Variants in GP6 observed in about 807,000 individuals in gnomAD.
The protein encoded by GP6 is glycoprotein VI platelet.
GP6 carries 45 observed loss-of-function variants against 37.3 expected under a neutral mutation model. The observed-to-expected ratio is 1.21, with a 90% CI of 0.95 to 1.55. GP6 has a LOEUF of 1.55. GP6 is among the 40% of genes most tolerant of loss of function. The pLI is 0.00. For missense variants in GP6, 813 were observed against 760.2 expected, an observed-to-expected ratio of 1.07 and a Z score of -0.82; for synonymous variants, 340 against 316.4, an observed-to-expected ratio of 1.07 and a Z score of -0.79.
At chr19:55,028,661 AT>A (rs1284951333) in intron 3 of GP6, among the ~76,000 whole-genome samples, 1 of 152,190 alleles carries the variant, frequency 6.6e-6, no homozygotes, top group Non-Finnish European at 1.5e-5. Flanking sequence ...AGCTGGACAT[AT>A]TTTAATTTAA....
At chr19:55,035,040 G>A (rs1197196782) in intron 1 of GP6, among the ~76,000 whole-genome samples, 1 of 152,144 alleles carries the variant, frequency 6.6e-6, no homozygotes, top group African/African-American at 2.4e-5. Flanking sequence ...CCATGGCTGG[G>A]AGTCTTCCAG....
In GP6 at chr19:55,015,061, G is replaced by T; in HGVS notation, c.884C>A (p.Pro295Gln). The T allele has an allele frequency of 6.2e-7, 1 of 1,606,154 alleles. No individual in the cohort carries two copies. Reference sequence around the variant, plus strand: ...CCCCTGTGCCGCAGGCGCTTCCTCCGGCTGTGCCAGTCCTCTGCCAGAAAC... The same window carrying T: ...CCCCTGTGCCGCAGGCGCTTCCTCCTGCTGTGCCAGTCCTCTGCCAGAAAC... The change falls in exon 8 of 8, where the codon CCG becomes CAG. Residue 295 changes from proline (P) to glutamine (Q), a missense_variant. Coordinates refer to ENST00000310373, the MANE Select transcript of GP6 (RefSeq NM_001083899.2).
chr19:55,030,595 A>G (rs1325467960), intron 3 of GP6, among the ~76,000 whole-genome samples: 1 of 151,968 alleles, frequency 6.6e-6, no homozygotes, highest in Non-Finnish European at 1.5e-5. Context: ...CACCCACCTC[A>G]GCCTCCCAAA....
rs543647949 is a variant in GP6, at chr19:55,025,946, G to C, written c.611-675C>G. Among the ~76,000 whole-genome samples, 253 of 139,650 alleles carry C rather than the reference G, an allele frequency of 1.8e-3. 1 individual carries two copies. The highest frequency in any genetic ancestry group is 6.6e-3 in the African/African-American group (244 of 36,896). 91.6% of individuals were successfully genotyped at this position (139,650 alleles called of 152,430 possible). A position where few individuals can be genotyped will look rare whatever the true frequency, so the allele number is the denominator to read the frequency against. On this transcript the variant is annotated intron_variant, in intron 4 of 7. Coordinates refer to ENST00000310373, the MANE Select transcript of GP6 (RefSeq NM_001083899.2). ...AAACCCAGGAGGTGGAGGTTGCAGT[G>C]AACTGAGATCACTCCACTGCACTCC...
chr19:55,029,508 A>G (rs1267011330), intron 3 of GP6, among the ~76,000 whole-genome samples: 1 of 146,312 alleles, frequency 6.8e-6, no homozygotes, highest in African/African-American at 2.5e-5. Context: ...CTCCTGCCTC[A>G]GCCTCCCGAG....
intron 3 of GP6, 99 bp from the exon 4 acceptor site, chr19:55,027,961 G>T: frequency 8.2e-7 from 1 of 1,214,670 alleles, no homozygotes. Context: ...GGAGCTTTTT[G>T]GCTGTATCCC....
intron 7 of GP6, 28 bp downstream of exon 7, chr19:55,015,654 AG>A: frequency 7.2e-7 from 1 of 1,394,096 alleles, no homozygotes; most frequent in Non-Finnish European, 1.0e-6. Context: ...GTGAGAAGGA[AG>A]GGGGTCTGGA....
Position 55,015,084 on chromosome 19 carries a change from A to C in GP6, c.861T>G (p.Val287=), listed in dbSNP as rs1461137654. ...CCGGCTGTGCCAGTCCTCTGCCAGA[A>C]ACCCCGCCAGGATTATTAGGATCAC... Residue 287 remains valine, a synonymous_variant, in exon 8 of 8, where the codon GTT becomes GTG. Coordinates refer to ENST00000310373, the MANE Select transcript of GP6 (RefSeq NM_001083899.2). 6.2e-7 allele frequency: 1 copy of C among 1,600,250 alleles called. No homozygotes were observed.
rs777647129 is a variant in GP6, at chr19:55,038,158, A to G, written c.34+45T>C. 6 of 1,490,716 alleles carry G rather than the reference A, an allele frequency of 4.0e-6. No homozygotes were observed. In the East Asian group the frequency reaches 9.3e-5, roughly 23 times the overall value. The allele number at this position is 1,490,716 out of a possible 1,614,324, so 92.3% of individuals were successfully genotyped here. On this transcript the variant is annotated intron_variant, in intron 1 of 7. Transcript: ENST00000310373. ...TTAAAAATCCTTTGTCTGGCAGTCC[A>G]TGCCTGTCCTTCAGCATTTCCCAGA...
At chr19:55,034,628 CGAA>C (rs2074757108) in intron 1 of GP6, among the ~76,000 whole-genome samples, 1 of 150,786 alleles carries the variant, frequency 6.6e-6, no homozygotes, top group Non-Finnish European at 1.5e-5. Flanking sequence ...TCTCAGAAAA[CGAA>C]GAGGAGGAGG....
At chr19:55,034,908 C>G (rs1047292818) in intron 1 of GP6, among the ~76,000 whole-genome samples, 6 of 152,132 alleles carry the variant, frequency 3.9e-5, no homozygotes, top group African/African-American at 1.4e-4. Context: ...TAGCCACCAC[C>G]CTTTGTCCAC....
intron 1 of GP6, among the ~76,000 whole-genome samples, chr19:55,034,716 T>TAAACAC (rs2074761442): frequency 6.8e-6 from 1 of 148,042 alleles, no homozygotes; most frequent in African/African-American, 2.5e-5. Context: ...CCCTCATTCT[T>TAAACAC]ACACACACAC....
At chr19:55,016,978 C>T (rs777188619) in intron 6 of GP6, among the ~76,000 whole-genome samples, 6 of 151,968 alleles carry the variant, frequency 3.9e-5, no homozygotes, top group Admixed American at 6.6e-5. Context: ...GAGCTGAGAT[C>T]GCAGAGTGAG....
chr19:55,031,949 G>A (rs1209277293), intron 3 of GP6, among the ~76,000 whole-genome samples, 190 bp downstream of exon 3: 1 of 152,090 alleles, frequency 6.6e-6, no homozygotes, highest in Non-Finnish European at 1.5e-5. Flanking sequence ...CTCCACCCTG[G>A]GTGACGCAGC....
intron 4 of GP6, 67 bp from the exon 5 acceptor site, chr19:55,025,338 A>C: frequency 2.1e-6 from 2 of 973,856 alleles, no homozygotes; most frequent in Non-Finnish European, 3.2e-6. Flanking sequence ...ATAACGAAAC[A>C]TCTCCGTGAC....
At chr19:55,020,368 C>T (rs2146743859) in intron 5 of GP6, among the ~76,000 whole-genome samples, 1 of 152,194 alleles carries the variant, frequency 6.6e-6, no homozygotes, top group Non-Finnish European at 1.5e-5. Context: ...TGATCCTCTC[C>T]CTCCCCCAAT....
At chr19:55,029,937 G>A (rs751117182) in intron 3 of GP6, among the ~76,000 whole-genome samples, 8 of 152,030 alleles carry the variant, frequency 5.3e-5, no homozygotes, top group Admixed American at 1.3e-4. Context: ...TTTATAACGC[G>A]GAATAGACCA....
At chr19:55,024,615 G>A (rs1242024097) in intron 5 of GP6, among the ~76,000 whole-genome samples, 1 of 152,212 alleles carries the variant, frequency 6.6e-6, no homozygotes, top group Admixed American at 6.5e-5. Context: ...GTTTGTGAAA[G>A]TGGAGGGGAT....
At position 55,014,686 on chromosome 19, in the gene GP6, C is replaced by T; in HGVS notation, c.1259G>A (p.Arg420Lys). The T allele has an allele frequency of 6.2e-7, 1 of 1,613,778 alleles. No individual in the cohort carries two copies. Among genetic ancestry groups the T allele is most frequent in the Non-Finnish European group, 8.5e-7 (1 of 1,179,712 alleles). The change falls in exon 8 of 8, where the codon AGA becomes AAA. Residue 420 changes from arginine (R) to lysine (K), a missense_variant. By Grantham distance (26) the Arg-to-Lys change is conservative. Transcript: ENST00000310373. Reference sequence around the variant, plus strand: ...CAGTGTGCAGGGAGGAGGATGGGGTCTCCACAGATTCCTTCCATCCCAAAT... The same window carrying T: ...CAGTGTGCAGGGAGGAGGATGGGGTTTCCACAGATTCCTTCCATCCCAAAT...
Sources: gnomAD v4.1 joint callset for allele counts (sites outside exome capture counted in the v4.1 genomes callset) on GRCh38, gnomAD v4.1.1 for gene constraint, MANE v1.5 for transcripts, NCBI Gene and HGNC (gene_info 2026-07-23, HGNC 2026-07-21) for gene names.